IKZF3: variants seen among roughly 807,000 people sequenced by gnomAD.
IKZF3 encodes the protein zinc finger protein Aiolos.
Under a neutral mutation model 49.0 loss-of-function variants are expected in IKZF3, and 10 were observed. The ratio of observed to expected loss-of-function variants is 0.20; its 90% CI spans 0.13 to 0.35. The LOEUF (loss-of-function observed/expected upper bound fraction) is 0.35. IKZF3 is among the 10% of genes least tolerant of loss of function. IKZF3 has a pLI of 1.00. For missense variants in IKZF3, 498 were observed against 664.8 expected (o/e 0.75, Z 2.76); for synonymous variants, 209 against 228.2 (o/e 0.92, Z 0.76).
At chr17:39,828,579 T>G (rs1338263482) in intron 3 of IKZF3, among the ~76,000 whole-genome samples, 1 of 152,208 alleles carries the variant, frequency 6.6e-6, no homozygotes, top group Admixed American at 6.5e-5. Context: ...CAGACAAAAG[T>G]GCAGGTAACC....
At chr17:39,810,129 C>G (rs940400038) in intron 3 of IKZF3, among the ~76,000 whole-genome samples, 5 of 152,186 alleles carry the variant, frequency 3.3e-5, no homozygotes, top group African/African-American at 9.7e-5. Context: ...TTGAGAATCT[C>G]TGCCTCAGGC....
intron 3 of IKZF3, among the ~76,000 whole-genome samples, chr17:39,801,399 A>G (rs1272459077): frequency 6.6e-6 from 1 of 152,156 alleles, no homozygotes; most frequent in Non-Finnish European, 1.5e-5. Context: ...TAACTATCCA[A>G]TTAAACAAAT....
At chr17:39,858,000 C>T (rs1388536485) in intron 1 of IKZF3, among the ~76,000 whole-genome samples, 1 of 150,360 alleles carries the variant, frequency 6.7e-6, no homozygotes, top group African/African-American at 2.4e-5. Flanking sequence ...GATCCCTAAA[C>T]TTTGGAAAAT....
intron 3 of IKZF3, among the ~76,000 whole-genome samples, chr17:39,810,281 G>T (rs2061520546): frequency 1.3e-5 from 2 of 152,012 alleles, no homozygotes; most frequent in African/African-American, 4.8e-5. Flanking sequence ...TATACATAGT[G>T]GACATTAAGT....
intron 1 of IKZF3, among the ~76,000 whole-genome samples, chr17:39,862,516 T>C (rs1333342116): frequency 6.6e-6 from 1 of 152,170 alleles, no homozygotes. Flanking sequence ...GTAGCTATAA[T>C]GAACCAGATA....
intron 3 of IKZF3, among the ~76,000 whole-genome samples, chr17:39,812,891 G>T (rs1422774366): frequency 6.6e-6 from 1 of 152,074 alleles, no homozygotes. Flanking sequence ...GAGGTCAGGA[G>T]ATCAAGACCA....
chr17:39,814,131 G>A (rs1003945499), intron 3 of IKZF3, among the ~76,000 whole-genome samples: 1 of 152,196 alleles, frequency 6.6e-6, no homozygotes, highest in African/African-American at 2.4e-5. Context: ...GCCATGGGAA[G>A]CTACTGAAGA....
Position 39,762,507 on chromosome 17 carries a change from A to G in IKZF3, c.*3283T>C, listed in dbSNP as rs2060203671. ...ATAGAAATCATGCAGCAAATTCATT[A>G]GTCACAGGAAAAAGGAGGATCATAT... On this transcript the variant is annotated 3_prime_UTR_variant, in exon 8 of 8. Transcript: ENST00000346872. The G allele has an allele frequency of 6.6e-6, 1 of 152,210 alleles. No homozygotes were observed. Among genetic ancestry groups the G allele is most frequent in the Non-Finnish European group, 1.5e-5 (1 of 68,044 alleles). 9.4% of individuals were successfully genotyped at this position (152,210 alleles called of 1,614,324 possible).
intron 1 of IKZF3, among the ~76,000 whole-genome samples, chr17:39,863,716 T>C (rs570889196): frequency 2.6e-5 from 4 of 152,238 alleles, no homozygotes; most frequent in Admixed American, 6.5e-5. Flanking sequence ...CCATTTACCC[T>C]TGGAAGAAAA....
At chr17:39,792,403 T>A (rs1189194707) in intron 4 of IKZF3, among the ~76,000 whole-genome samples, 1 of 152,332 alleles carries the variant, frequency 6.6e-6, no homozygotes, top group Non-Finnish European at 1.5e-5. Context: ...CAACTCCTAC[T>A]TAGAAACTGA....
In IKZF3 at chr17:39,765,484, A is replaced by AT. The variant is rs2060266738; in HGVS notation, c.*305dup. The AT allele has an allele frequency of 3.9e-6, 1 of 253,462 alleles. No individual in the cohort carries two copies. The highest frequency in any genetic ancestry group is 2.2e-5 in the African/African-American group (1 of 45,158). 15.7% of individuals were successfully genotyped at this position (253,462 alleles called of 1,614,324 possible). ...TCAGAAAGAATGTTTCATATAGCAC[A>AT]TCTCCGGGACCACTCATTCCACTGC... On this transcript the variant is annotated 3_prime_UTR_variant, in exon 8 of 8. Transcript: ENST00000346872.
At chr17:39,850,020 T>A (rs568324365) in intron 1 of IKZF3, among the ~76,000 whole-genome samples, 2 of 137,356 alleles carry the variant, frequency 1.5e-5, no homozygotes, top group African/African-American at 5.5e-5. Context: ...CCTGGGGGTG[T>A]GTGTGTGTGT....
intron 2 of IKZF3, among the ~76,000 whole-genome samples, chr17:39,830,826 G>T (rs1017404745): frequency 6.6e-6 from 1 of 152,228 alleles, no homozygotes; most frequent in Non-Finnish European, 1.5e-5. Context: ...ACTCCTTTCA[G>T]CTGAGCCATG....
chr17:39,848,190 C>T (rs2144475180), intron 1 of IKZF3, among the ~76,000 whole-genome samples: 1 of 152,050 alleles, frequency 6.6e-6, no homozygotes, highest in African/African-American at 2.4e-5. Flanking sequence ...GTTCTTCCTA[C>T]CCTCCCCCTT....
chr17:39,785,419 C>T (rs549291096), intron 6 of IKZF3, among the ~76,000 whole-genome samples: 27 of 152,122 alleles, frequency 1.8e-4, no homozygotes, highest in African/African-American at 6.3e-4. Flanking sequence ...GTATGGTGCA[C>T]GCATCCACCA....
chr17:39,808,755 C>T lies in IKZF3; in HGVS notation c.164-15822G>A, dbSNP rs371307926. Among the ~76,000 whole-genome samples the T allele has an allele frequency of 1.4e-3, 207 of 152,222 alleles. 11 individuals carry two copies. The South Asian group carries it at 0.041, about 30-fold the overall frequency. ...GTCTGAGAGAGAGAGAGAACTAGTACAACCTGAAGGACTAGAACCGGAAAA... is the reference window on the plus strand; with the variant it reads ...GTCTGAGAGAGAGAGAGAACTAGTATAACCTGAAGGACTAGAACCGGAAAA... On this transcript the variant is annotated intron_variant, in intron 3 of 7. Coordinates refer to ENST00000346872, the MANE Select transcript of IKZF3 (RefSeq NM_012481.5).
At chr17:39,798,747 C>T (rs1017777291) in intron 3 of IKZF3, among the ~76,000 whole-genome samples, 5 of 152,070 alleles carry the variant, frequency 3.3e-5, no homozygotes, top group African/African-American at 9.7e-5. Context: ...CCTCGTGATC[C>T]GCCGGCCTCG....
intron 3 of IKZF3, among the ~76,000 whole-genome samples, chr17:39,795,773 C>T (rs966859091): frequency 2.0e-5 from 3 of 150,876 alleles, no homozygotes; most frequent in Non-Finnish European, 2.9e-5. Flanking sequence ...AAATTGCTGG[C>T]TGGGCATAGT....
chr17:39,860,451 T>C (rs1208724989), intron 1 of IKZF3, among the ~76,000 whole-genome samples: 1 of 152,208 alleles, frequency 6.6e-6, no homozygotes, highest in Admixed American at 6.5e-5. Context: ...TCTGCTCATA[T>C]TCAATGGATA....
Sources: allele counts gnomAD v4.1 joint callset (sites outside exome capture counted in the v4.1 genomes callset), GRCh38; gene constraint gnomAD v4.1.1; transcripts MANE v1.5; gene names NCBI Gene and HGNC (gene_info 2026-07-23, HGNC 2026-07-21).